Variants in SLC23A2 observed in about 807,000 individuals in gnomAD.
The protein encoded by SLC23A2 is solute carrier family 23 member 2.
SLC23A2 carries 36 observed loss-of-function variants against 73.3 expected under a neutral mutation model. That is an observed-to-expected ratio of 0.49 (90% CI 0.38 to 0.65). SLC23A2 has a LOEUF of 0.65. Among genes scored for constraint, SLC23A2 ranks in the 30% least tolerant of loss-of-function variants. SLC23A2 has a pLI of 0.00. For missense variants in SLC23A2, 507 were observed against 841.6 expected, an observed-to-expected ratio of 0.60 and a Z score of 4.92; for synonymous variants, 343 against 327.3, an observed-to-expected ratio of 1.05 and a Z score of -0.52.
intron 2 of SLC23A2, among the ~76,000 whole-genome samples, chr20:4,950,349 A>T (rs2087181038): frequency 6.6e-6 from 1 of 152,168 alleles, no homozygotes; most frequent in Non-Finnish European, 1.5e-5. Context: ...CCCAAAGACA[A>T]TTGTTTTCAA....
chr20:4,952,753 A>G (rs1324813852), intron 2 of SLC23A2, among the ~76,000 whole-genome samples: 2 of 152,180 alleles, frequency 1.3e-5, no homozygotes, highest in East Asian at 1.9e-4. Context: ...GGCCAGGCGC[A>G]GTGGCTCACA....
intron 2 of SLC23A2, among the ~76,000 whole-genome samples, chr20:4,934,179 G>A (rs148015750): frequency 2.0e-5 from 3 of 152,238 alleles, no homozygotes; most frequent in African/African-American, 7.2e-5. Flanking sequence ...TTTCATTCAC[G>A]TACTATCCAC....
At chr20:4,900,841 C>G (rs1644879486) in intron 5 of SLC23A2, among the ~76,000 whole-genome samples, 1 of 152,096 alleles carries the variant, frequency 6.6e-6, no homozygotes, top group Non-Finnish European at 1.5e-5. Flanking sequence ...TATTTCTGTT[C>G]TGCAAACTTC....
At chr20:4,957,543 T>A (rs2087310138) in intron 2 of SLC23A2, among the ~76,000 whole-genome samples, 1 of 148,952 alleles carries the variant, frequency 6.7e-6, no homozygotes, top group African/African-American at 2.5e-5. Flanking sequence ...ACTTTGATGG[T>A]CTTATCCCAG....
At chr20:4,940,313 T>A (rs2087020904) in intron 2 of SLC23A2, among the ~76,000 whole-genome samples, 1 of 151,920 alleles carries the variant, frequency 6.6e-6, no homozygotes, top group African/African-American at 2.4e-5. Context: ...AGACCCCATC[T>A]CAAAATAACA....
In SLC23A2 at chr20:4,862,042, A is replaced by G; in HGVS notation, c.1530T>C (p.Asp510=). The G allele has an allele frequency of 6.2e-7, 1 of 1,614,208 alleles. No individual in the cohort carries two copies. The highest frequency in any genetic ancestry group is 1.3e-5 in the African/African-American group (1 of 75,066). ...AVGLSNLQFI[D]LNSSRNLFVL... is the part of the protein sequence containing the mutation. ...CAAAGAGGTTCCGGGAAGAATTTAA[A>G]TCAATGAACTGCAGGTTAGAGAGGC... The change falls in exon 15 of 17, where the codon GAT becomes GAC. Residue 510 remains aspartate (D), a synonymous_variant. Coordinates refer to ENST00000338244, the MANE Select transcript of SLC23A2 (RefSeq NM_005116.6). This position sits in a 1 kb window ranked among gnomAD's most constrained non-coding sequence, Gnocchi z 5.1.
intron 2 of SLC23A2, among the ~76,000 whole-genome samples, chr20:4,964,899 GAA>G (rs11087663): frequency 4.0e-4 from 55 of 137,714 alleles, no homozygotes; most frequent in African/African-American, 1.2e-3. Flanking sequence ...GGGAAAAGAA[GAA>G]AAAAAAAAAG....
chr20:4,984,655 C>G (rs114898492), intron 1 of SLC23A2, among the ~76,000 whole-genome samples: 1 of 152,172 alleles, frequency 6.6e-6, no homozygotes, highest in African/African-American at 2.4e-5. Context: ...CCAACAAGCA[C>G]ATGAAAAGGA....
At chr20:4,920,586 G>C (rs776649972) in intron 3 of SLC23A2, among the ~76,000 whole-genome samples, 1 of 152,160 alleles carries the variant, frequency 6.6e-6, no homozygotes, top group Admixed American at 6.5e-5. Flanking sequence ...AAATTATGGT[G>C]TATCTATACC....
chr20:4,964,527 C>CA (rs2087443126), intron 2 of SLC23A2, among the ~76,000 whole-genome samples: 1 of 152,142 alleles, frequency 6.6e-6, no homozygotes, highest in East Asian at 1.9e-4. Flanking sequence ...ATTGTGGGCA[C>CA]ATTCTTATAT....
chr20:4,948,481 C>T (rs1281528087), intron 2 of SLC23A2, among the ~76,000 whole-genome samples: 1 of 152,204 alleles, frequency 6.6e-6, no homozygotes, highest in African/African-American at 2.4e-5. Flanking sequence ...TCCCTGCAGA[C>T]TCTCCCAAGA....
intron 9 of SLC23A2, among the ~76,000 whole-genome samples, chr20:4,879,408 C>CAAAAAAAAAAAAAAAAAAAAAAAAAA (rs111565515): frequency 2.3e-5 from 1 of 43,008 alleles, no homozygotes; most frequent in Non-Finnish European, 4.4e-5. Flanking sequence ...AACTCTGTCT[C>CAAAAAAAAAAAAAAAAAAAAAAAAAA]AAAAAAAAAA....
At chr20:4,979,430 C>A (rs780156312) in intron 1 of SLC23A2, among the ~76,000 whole-genome samples, 1 of 152,052 alleles carries the variant, frequency 6.6e-6, no homozygotes, top group Non-Finnish European at 1.5e-5. Flanking sequence ...ATGGGGCCAG[C>A]ATGGTGGCTC....
intron 1 of SLC23A2, among the ~76,000 whole-genome samples, 160 bp downstream of exon 1, chr20:5,001,246 G>C (rs1299078777): frequency 6.7e-6 from 1 of 149,174 alleles, no homozygotes; most frequent in African/African-American, 2.4e-5. Flanking sequence ...CCCGGGAGAT[G>C]GGTCGGGGTG....
Position 4,896,403 on chromosome 20 carries a change from T to C in SLC23A2, c.482+3152A>G, listed in dbSNP as rs559797559. Among the ~76,000 whole-genome samples the C allele has an allele frequency of 6.6e-5, 10 of 152,216 alleles. No homozygotes were observed. The South Asian group carries it at 1.2e-3, about 19-fold the overall frequency. On this transcript the variant is annotated intron_variant, in intron 6 of 16. Coordinates refer to ENST00000338244, the MANE Select transcript of SLC23A2 (RefSeq NM_005116.6). ...AAGGGGTGCAGGCAACACACAGCAC[T>C]GCAGGCTCAGATTCACAGCAAAAGC...
chr20:4,938,343 T>C (rs1600151981), intron 2 of SLC23A2, among the ~76,000 whole-genome samples: 1 of 150,576 alleles, frequency 6.6e-6, no homozygotes, highest in Admixed American at 6.6e-5. Flanking sequence ...TCTTTTTTTT[T>C]TTTTTTTTTT....
intron 2 of SLC23A2, among the ~76,000 whole-genome samples, chr20:4,961,280 AC>A (rs2087382295): frequency 2.0e-5 from 3 of 151,868 alleles, no homozygotes; most frequent in South Asian, 4.2e-4. Context: ...ACGGGGTTTC[AC>A]CTTGTTAGCC....
intron 6 of SLC23A2, among the ~76,000 whole-genome samples, chr20:4,893,838 T>C (rs1161815815): frequency 2.0e-5 from 3 of 152,154 alleles, no homozygotes; most frequent in Non-Finnish European, 4.4e-5. Context: ...GTGATGCTTC[T>C]AAGAGGGGCC....
Position 4,921,385 on chromosome 20 carries a change from C to G in SLC23A2, c.109-8407G>C, listed in dbSNP as rs1024805509. Among the ~76,000 whole-genome samples, 3 of 152,064 alleles carry G rather than the reference C, an allele frequency of 2.0e-5. No individual in the cohort carries two copies. The South Asian group carries it at 6.2e-4, about 32-fold the overall frequency. ...TCACTTGAGCTCAGAAATTCGAGAC[C>G]AGCCTAGGCAACATGGCAAAACCCC... is the stretch of plus-strand genomic sequence containing the variant. On this transcript the variant is annotated intron_variant, in intron 3 of 16. Transcript: ENST00000338244.
Sources: gnomAD v4.1 joint callset for allele counts (sites outside exome capture counted in the v4.1 genomes callset) on GRCh38, gnomAD v4.1.1 for gene constraint, Gnocchi (gnomAD v3.1) non-coding constraint, MANE v1.5 for transcripts, NCBI Gene and HGNC (gene_info 2026-07-23, HGNC 2026-07-21) for gene names.